The following PARP10 variants were observed in gnomAD, a reference collection of about 807,000 sequenced individuals.
PARP10 encodes the protein protein mono-ADP-ribosyltransferase PARP10.
In PARP10, 56 loss-of-function variants were observed where a neutral mutation model predicts 82.4. That is an observed-to-expected ratio of 0.68 (90% CI 0.55 to 0.85). The LOEUF (loss-of-function observed/expected upper bound fraction) is 0.85, where lower values mean the gene tolerates loss of function less well. Among genes scored for constraint, PARP10 ranks in the 40% least tolerant of loss-of-function variants. The pLI is 0.00. For synonymous variants in PARP10, 576 were observed against 601.1 expected (o/e 0.96, Z 0.61); for missense variants, 1,227 against 1,379.4 (o/e 0.89, Z 1.75).
rs1179451962 is a variant in PARP10, at chr8:143,984,701, C to T, written c.1301G>A (p.Cys434Tyr). Reference sequence around the variant, plus strand: ...GCCCTCCTGCCCTGCCAGCTTCACACATCCTGGGCTCACAGGCCCTGCCTT... The same window carrying T: ...GCCCTCCTGCCCTGCCAGCTTCACATATCCTGGGCTCACAGGCCCTGCCTT... ...LEKAGPVSPGCVKLAGQEGLV... is the reference protein window; with the variant it reads ...LEKAGPVSPGYVKLAGQEGLV... The change falls in exon 5 of 11, where the codon TGT becomes TAT. Residue 434 changes from cysteine to tyrosine, a missense_variant. By Grantham distance (194) the Cys-to-Tyr change is radical. Coordinates refer to ENST00000313028, the MANE Select transcript of PARP10 (RefSeq NM_032789.5). 6 of 1,613,694 alleles carry T rather than the reference C, an allele frequency of 3.7e-6. No individual in the cohort carries two copies. The highest frequency in any genetic ancestry group is 4.2e-6 in the Non-Finnish European group (5 of 1,179,898).
At chr8:144,007,557 G>A (rs1304923480) in intron 1 of PARP10, among the ~76,000 whole-genome samples, 5 of 152,174 alleles carry the variant, frequency 3.3e-5, no homozygotes, top group Non-Finnish European at 5.9e-5. Context: ...ACCATGTGCC[G>A]GGGCCTGTGC....
chr8:143,991,032 C>G, upstream of PARP10: 2 of 451,726 alleles, frequency 4.4e-6, no homozygotes, highest in East Asian at 3.7e-5. Context: ...CCGGTCCTCA[C>G]GCGCTTCTCC....
Position 144,008,582 on chromosome 8 carries a change from G to C in PARP10, c.-80+3948C>G, listed in dbSNP as rs2063288468. 6.6e-6 allele frequency among the ~76,000 whole-genome samples: 1 copy of C among 152,214 alleles called. No individual in the cohort carries two copies. Among genetic ancestry groups the C allele is most frequent in the African/African-American group, 2.4e-5 (1 of 41,460 alleles). ...GAGCGCAAACCCCGAGTGCACCCCA[G>C]GAGGTTCCTGTCACTCCTGCGGGCC... On this transcript the variant is annotated intron_variant, in intron 1 of 3. Coordinates refer to the PARP10 transcript ENST00000530478. The surrounding 1 kb of genome is among the most constrained non-coding windows in gnomAD (Gnocchi z 4.0).
Position 143,984,437 on chromosome 8 carries a change from G to A in PARP10, c.1459-6C>T. 1 of 1,605,760 alleles carries A rather than the reference G, an allele frequency of 6.2e-7. No homozygotes were observed. Among genetic ancestry groups the A allele is most frequent in the Non-Finnish European group, 8.5e-7 (1 of 1,177,100 alleles). On this transcript the variant is annotated splice_polypyrimidine_tract_variant and splice_region_variant and intron_variant, in intron 5 of 10. Transcript: ENST00000313028. Reference sequence around the variant, plus strand: ...GAAGCCTGGGCTCCACAGAGCTGCAGGGCCATTGCAGAGATGGAGTTTGCA... The same window carrying A: ...GAAGCCTGGGCTCCACAGAGCTGCAAGGCCATTGCAGAGATGGAGTTTGCA...
At position 143,985,970 on chromosome 8, in the gene PARP10, C is replaced by A. The variant is rs782039077; in HGVS notation, c.187G>T (p.Glu63Ter). 6.3e-7 allele frequency: 1 copy of A among 1,590,586 alleles called. No homozygotes were observed. Among genetic ancestry groups the A allele is most frequent in the South Asian group, 1.1e-5 (1 of 89,190 alleles). The part of the protein sequence containing the change: ...VLTFREPADA[E>*]RVLAQADHEL... ...TGATCTGCCTGGGCCAAGACCCTCT[C>A]GGCGTCTGTGGGCAGGGGCGGGGCA... The change falls in exon 3 of 11, where the codon GAG becomes TAG. Residue 63 changes from glutamate (E) to a stop codon, truncating the protein, a stop_gained. Coordinates refer to ENST00000313028, the MANE Select transcript of PARP10 (RefSeq NM_032789.5). LOFTEE classifies it high-confidence loss of function.
At chr8:143,992,481 C>T (rs79437554), upstream of PARP10, 2 of 1,614,068 alleles carry the variant, frequency 1.2e-6, no homozygotes, top group Non-Finnish European at 1.7e-6. Flanking sequence ...TACGACTTCA[C>T]CTCATGCATG....
upstream of PARP10, chr8:143,990,894 G>C (rs1011915810): frequency 5.6e-6 from 1 of 177,162 alleles, no homozygotes; most frequent in Non-Finnish European, 1.2e-5. The surrounding 1 kb of genome is among the most constrained non-coding windows in gnomAD (Gnocchi z 5.6). Context: ...AGCGGCGCAG[G>C]CCTCCGGTTG....
chr8:144,006,528 G>A (rs904367359), intron 1 of PARP10, among the ~76,000 whole-genome samples: 8 of 152,242 alleles, frequency 5.3e-5, no homozygotes, highest in African/African-American at 1.9e-4. Context: ...AGCGGAGTCT[G>A]AAGGAAGAGT....
upstream of PARP10, among the ~76,000 whole-genome samples, chr8:143,988,440 A>G (rs1171378522): frequency 1.4e-5 from 2 of 143,510 alleles, no homozygotes; most frequent in Non-Finnish European, 1.5e-5. Context: ...GCCAGCCACC[A>G]TACCCAGCTA....
At chr8:144,012,532 A>T (rs1554752596) in exon 1 of PARP10, 2 of 1,551,756 alleles carry the variant, frequency 1.3e-6, no homozygotes, top group Non-Finnish European at 1.7e-6. Flanking sequence ...CTACTCACCA[A>T]TTATGAAGGG....
chr8:143,984,825 C>G lies in PARP10; in HGVS notation c.1177G>C (p.Gly393Arg). Residue 393 changes from glycine to arginine, a missense_variant, in exon 5 of 11, where the codon GGG (glycine) becomes CGG (arginine). Transcript: ENST00000313028. Reference sequence around the variant, plus strand: ...ACCAGGCCCTCCTGCCCCAGCAACCCCTTAGAGGTCTCCACTGGGCCTGCA... The same window carrying G: ...ACCAGGCCCTCCTGCCCCAGCAACCGCTTAGAGGTCTCCACTGGGCCTGCA... ...GSAGPVETSK[G>R]LLGQEGLVEI... is the part of the protein sequence containing the mutation. The G allele has an allele frequency of 1.2e-6, 2 of 1,612,638 alleles. No homozygotes were observed. Among genetic ancestry groups the G allele is most frequent in the African/African-American group, 2.7e-5 (2 of 74,906 alleles).
At chr8:143,990,977 T>A, upstream of PARP10, 13 of 255,822 alleles carry the variant, frequency 5.1e-5, no homozygotes, top group East Asian at 2.1e-4. The surrounding 1 kb of genome is among the most constrained non-coding windows in gnomAD (Gnocchi z 5.6). Context: ...TCCCCCACCC[T>A]AAAGGCGGCC....
At chr8:143,980,147 C>T (rs1554747337) in intron 9 of PARP10, among the ~76,000 whole-genome samples, 2 of 150,810 alleles carry the variant, frequency 1.3e-5, no homozygotes, top group South Asian at 2.1e-4. Context: ...TGGTGAAACC[C>T]CGTCTCTAAT....
At chr8:143,979,875 G>A (rs1388957535) in intron 9 of PARP10, among the ~76,000 whole-genome samples, 1 of 151,898 alleles carries the variant, frequency 6.6e-6, no homozygotes, top group South Asian at 2.1e-4. Context: ...AGCCGGGCGC[G>A]GTGGCGGGCG....
At chr8:143,990,022 G>C (rs1470480702), upstream of PARP10, 6 of 144,754 alleles carry the variant, frequency 4.1e-5, no homozygotes, top group South Asian at 2.2e-4. This position sits in a 1 kb window ranked among gnomAD's most constrained non-coding sequence, Gnocchi z 5.6. Flanking sequence ...CCACCCCGAA[G>C]CTCGCCCGGC....
chr8:143,977,205 A>G lies in PARP10; in HGVS notation c.*279T>C, dbSNP rs2133021855. ...GTTCACGTTCACGTTTATTCAAACAACAGAGCCGACTCGGGCGAGGTCTGG... is the reference window on the plus strand; with the variant it reads ...GTTCACGTTCACGTTTATTCAAACAGCAGAGCCGACTCGGGCGAGGTCTGG... On this transcript the variant is annotated 3_prime_UTR_variant, in exon 11 of 11. Transcript: ENST00000313028. 1 of 494,648 alleles carries G rather than the reference A, an allele frequency of 2.0e-6. No homozygotes were observed. The highest frequency in any genetic ancestry group is 3.5e-6 in the Non-Finnish European group (1 of 281,984). 30.6% of individuals were successfully genotyped at this position (494,648 alleles called of 1,614,324 possible).
intron 1 of PARP10, chr8:144,012,304 G>C (rs1834293701): frequency 1.7e-6 from 1 of 581,842 alleles, no homozygotes. Context: ...GGCAAGGCCT[G>C]TGTACAGGCC....
chr8:144,000,909 T>G (rs1331293739), intron 1 of PARP10, among the ~76,000 whole-genome samples: 7 of 53,626 alleles, frequency 1.3e-4, no homozygotes, highest in African/African-American at 2.8e-4. Flanking sequence ...TGTGTGTGTG[T>G]TTTTTTTTTT....
At chr8:143,981,387 TGATGGTGATGATGGTGGTGACGACAGTG>T (rs1564248533) in intron 9 of PARP10, among the ~76,000 whole-genome samples, 2 of 72,560 alleles carry the variant, frequency 2.8e-5, no homozygotes, top group East Asian at 5.4e-4. Flanking sequence ...GTGGTGAAGG[TGATGGTGATGATGGTGGTGACGACAGTG>T]AGTGGTGAAG....
Sources: gnomAD v4.1 joint callset for allele counts (sites outside exome capture counted in the v4.1 genomes callset) on GRCh38, gnomAD v4.1.1 for gene constraint, Gnocchi (gnomAD v3.1) non-coding constraint, MANE v1.5 for transcripts, NCBI Gene and HGNC (gene_info 2026-07-23, HGNC 2026-07-21) for gene names.